Variants in ZNF362 observed in about 807,000 individuals in gnomAD.
ZNF362 encodes rotund homolog.
Under a neutral mutation model 42.9 loss-of-function variants are expected in ZNF362, and 11 were observed. The ratio of observed to expected loss-of-function variants is 0.26; its 90% CI spans 0.16 to 0.42. The LOEUF is 0.42. Among genes scored for constraint, ZNF362 ranks in the 20% least tolerant of loss-of-function variants. The pLI, the probability that ZNF362 is intolerant of heterozygous loss-of-function variation, is 1.00. For synonymous variants in ZNF362, 255 were observed against 257.3 expected (o/e 0.99, Z 0.09); for missense variants, 362 against 576.2 (o/e 0.63, Z 3.81).
the ZNF362 span, among the ~76,000 whole-genome samples, chr1:33,213,872 C>CAAAA: frequency 6.6e-6 from 1 of 151,132 alleles, no homozygotes; most frequent in South Asian, 2.1e-4. Context: ...CAAAACAAAA[C>CAAAA]AAAACAAAAA....
At chr1:33,298,883 C>T in intron 8 of ZNF362, 47 bp from the exon 9 acceptor site, 1 of 1,540,672 alleles carries the variant, frequency 6.5e-7, no homozygotes, top group Non-Finnish European at 9.0e-7. Context: ...CCTCTTCTCC[C>T]TCCCTTGCTG....
At chr1:33,255,450 T>C (rs139692122), upstream of ZNF362, among the ~76,000 whole-genome samples, 5 of 146,224 alleles carry the variant, frequency 3.4e-5, no homozygotes, top group African/African-American at 1.0e-4. Context: ...GTGGATGCCA[T>C]AGAAATCTAA....
chr1:33,234,543 T>G, the ZNF362 span, among the ~76,000 whole-genome samples: 2 of 152,158 alleles, frequency 1.3e-5, no homozygotes, highest in South Asian at 4.1e-4. Flanking sequence ...CAGGGGCCTT[T>G]GAACTCATTC....
At chr1:33,295,082 G>T in intron 7 of ZNF362, 65 bp from the exon 8 acceptor site, 2 of 1,569,844 alleles carry the variant, frequency 1.3e-6, no homozygotes, top group Non-Finnish European at 1.7e-6. Context: ...CCACAAGGAA[G>T]CGTAGGAAGG....
chr1:33,167,706 T>C, the ZNF362 span, among the ~76,000 whole-genome samples: 1 of 152,204 alleles, frequency 6.6e-6, no homozygotes, highest in Admixed American at 6.5e-5. This position sits in a 1 kb window ranked among gnomAD's most constrained non-coding sequence, Gnocchi z 4.2. Context: ...CCTGTTCACA[T>C]CCACCTCCCT....
chr1:33,165,561 C>A, the ZNF362 span: 1 of 1,607,222 alleles, frequency 6.2e-7, no homozygotes, highest in Non-Finnish European at 8.5e-7. This position sits in a 1 kb window ranked among gnomAD's most constrained non-coding sequence, Gnocchi z 4.0. Flanking sequence ...GGTCCTTCAG[C>A]TCCCTCTGAA....
chr1:33,191,535 G>T, the ZNF362 span, among the ~76,000 whole-genome samples: 1 of 151,620 alleles, frequency 6.6e-6, no homozygotes, highest in Admixed American at 6.6e-5. Context: ...TTGAGATGGA[G>T]TCTCGCTGTG....
At chr1:33,171,171 A>G in the ZNF362 span, among the ~76,000 whole-genome samples, 1 of 152,098 alleles carries the variant, frequency 6.6e-6, no homozygotes, top group African/African-American at 2.4e-5. Context: ...ACAAACTAGA[A>G]ATTTTACTCC....
chr1:33,151,228 G>A, the ZNF362 span, among the ~76,000 whole-genome samples: 1 of 152,118 alleles, frequency 6.6e-6, no homozygotes, highest in Non-Finnish European at 1.5e-5. Flanking sequence ...CTGGCGAGCG[G>A]ACCTGTGCTG....
rs768583741 is a variant in ZNF362 at position 33,281,620 on chromosome 1, G to A, written c.717G>A (p.Lys239=). 4 of 1,614,210 alleles carry A rather than the reference G, an allele frequency of 2.5e-6. No homozygotes were observed. Among genetic ancestry groups the A allele is most frequent in the Non-Finnish European group, 3.4e-6 (4 of 1,180,038 alleles). Reference sequence around the variant, plus strand: ...TATGCCCACTGACCTTTTTCACCAAGTCAGAGATGCAGATCCACTCCAAGT... The same window carrying A: ...TATGCCCACTGACCTTTTTCACCAAATCAGAGATGCAGATCCACTCCAAGT... The part of the protein sequence containing the change: ...CKVCPLTFFT[K]SEMQIHSKSH... Residue 239 remains lysine (K), a synonymous_variant, in exon 6 of 9, where the codon AAG becomes AAA. Transcript: ENST00000539719. The surrounding 1 kb of genome is among the most constrained non-coding windows in gnomAD (Gnocchi z 4.8).
the ZNF362 span, chr1:33,195,969 C>T: frequency 4.6e-5 from 7 of 152,138 alleles, no homozygotes; most frequent in Non-Finnish European, 8.8e-5. Flanking sequence ...TAGCTTAAAA[C>T]ATGTACACGT....
rs1179212045 is a variant in ZNF362 at position 33,280,979 on chromosome 1, G to A, written c.683+522G>A. On this transcript the variant is annotated intron_variant, in intron 5 of 8. Transcript: ENST00000539719. This position sits in a 1 kb window ranked among gnomAD's most constrained non-coding sequence, Gnocchi z 5.6. ...AGCTACTCAGGAGGCTGAGGCAAGA[G>A]AATAACTCGAACTTGGGAGGCAGAG... 6.6e-6 allele frequency among the ~76,000 whole-genome samples: 1 copy of A among 152,178 alleles called. No individual in the cohort carries two copies. Among genetic ancestry groups the A allele is most frequent in the Non-Finnish European group, 1.5e-5 (1 of 68,024 alleles).
At chr1:33,154,603 C>A in the ZNF362 span, among the ~76,000 whole-genome samples, 2 of 147,058 alleles carry the variant, frequency 1.4e-5, no homozygotes, top group East Asian at 2.0e-4. Flanking sequence ...TTCAAGACCA[C>A]CCTGGCCAAC....
chr1:33,146,891 T>C, the ZNF362 span: 5 of 433,850 alleles, frequency 1.2e-5, no homozygotes, highest in Admixed American at 1.9e-4. Flanking sequence ...CCTGAGAAGA[T>C]GGGGATGAGG....
At chr1:33,203,379 A>G in the ZNF362 span, among the ~76,000 whole-genome samples, 1 of 152,190 alleles carries the variant, frequency 6.6e-6, no homozygotes, top group Non-Finnish European at 1.5e-5. Context: ...CCATCGATGG[A>G]TATTTTAGTT....
chr1:33,169,202 G>A, the ZNF362 span, among the ~76,000 whole-genome samples: 1 of 152,102 alleles, frequency 6.6e-6, no homozygotes, highest in African/African-American at 2.4e-5. Context: ...GGAATGCTGC[G>A]ATCGTGTTAG....
the ZNF362 span, among the ~76,000 whole-genome samples, chr1:33,175,050 T>TATGTA: frequency 2.0e-5 from 3 of 151,398 alleles, no homozygotes; most frequent in Non-Finnish European, 2.9e-5. Flanking sequence ...TGTATATGTA[T>TATGTA]TTTTTTTAAG....
chr1:33,207,203 T>C, the ZNF362 span, among the ~76,000 whole-genome samples: 1 of 152,060 alleles, frequency 6.6e-6, no homozygotes, highest in Non-Finnish European at 1.5e-5. Context: ...ATGCGGTGTT[T>C]GGTTTTCTGT....
At chr1:33,232,023 C>T in the ZNF362 span, among the ~76,000 whole-genome samples, 1 of 152,132 alleles carries the variant, frequency 6.6e-6, no homozygotes, top group African/African-American at 2.4e-5. Context: ...TTCTTCCTGG[C>T]TGGAAAGGCC....
Sources: gnomAD v4.1 joint callset for allele counts (sites outside exome capture counted in the v4.1 genomes callset) on GRCh38, gnomAD v4.1.1 for gene constraint, Gnocchi (gnomAD v3.1) non-coding constraint, MANE v1.5 for transcripts, NCBI Gene and HGNC (gene_info 2026-07-23, HGNC 2026-07-21) for gene names.